The following MLIP variants were observed in gnomAD, a reference collection of about 807,000 sequenced individuals.
MLIP encodes the protein muscular LMNA-interacting protein.
In MLIP, 79 loss-of-function variants were observed where a neutral mutation model predicts 84.8. The observed-to-expected ratio is 0.93, with a 90% confidence interval of 0.78 to 1.12. MLIP has a LOEUF of 1.12. Among genes scored for constraint, MLIP ranks in the 50% most tolerant of loss-of-function variants. The probability of loss-of-function intolerance (pLI) is 0.00; values close to 1 mark genes in which losing one functional copy is unlikely to be tolerated. For missense variants in MLIP, 1,257 were observed against 1,160.6 expected (o/e 1.08, Z -1.21); for synonymous variants, 504 against 463.0 (o/e 1.09, Z -1.14).
intron 3 of MLIP, among the ~76,000 whole-genome samples, chr6:54,127,382 G>C (rs1380748055): frequency 1.3e-5 from 2 of 151,934 alleles, no homozygotes; most frequent in Non-Finnish European, 2.9e-5. Flanking sequence ...ATATAAAGGG[G>C]GTTCAATAAG....
intron 3 of MLIP, among the ~76,000 whole-genome samples, chr6:54,127,986 A>G (rs1771066656): frequency 6.6e-6 from 1 of 152,206 alleles, no homozygotes. Flanking sequence ...TGAAAGACCT[A>G]TGATAAAGTT....
At chr6:54,083,369 C>A in intron 1 of MLIP, 2 of 1,043,188 alleles carry the variant, frequency 1.9e-6, no homozygotes, top group Non-Finnish European at 2.7e-6. Flanking sequence ...ATTGAAATAA[C>A]AGATGCATTG....
chr6:54,150,172 A>C (rs924830397), intron 5 of MLIP, among the ~76,000 whole-genome samples: 1 of 152,170 alleles, frequency 6.6e-6, no homozygotes, highest in African/African-American at 2.4e-5. Context: ...TTAGTGGAAC[A>C]AGTAGTGTAT....
intron 10 of MLIP, among the ~76,000 whole-genome samples, chr6:54,200,883 A>G (rs969266045): frequency 6.6e-6 from 1 of 152,206 alleles, no homozygotes; most frequent in Admixed American, 6.5e-5. Context: ...GACTCAAAAT[A>G]TATCAGGTGC....
intron 12 of MLIP, among the ~76,000 whole-genome samples, chr6:54,245,103 A>C (rs1476098764): frequency 2.6e-5 from 4 of 152,154 alleles, no homozygotes; most frequent in Admixed American, 6.6e-5. Flanking sequence ...TGATGGAGAC[A>C]CTAAGGGATA....
At chr6:54,193,685 A>G (rs973444219) in intron 10 of MLIP, among the ~76,000 whole-genome samples, 7 of 152,072 alleles carry the variant, frequency 4.6e-5, no homozygotes, top group Admixed American at 3.9e-4. Context: ...AAATGTGAGT[A>G]CTTACCTAAG....
chr6:54,137,682 C>G lies in MLIP; in HGVS notation c.1613C>G (p.Ser538Cys), dbSNP rs944563658. 3 of 1,535,984 alleles carry G rather than the reference C, an allele frequency of 2.0e-6. No homozygotes were observed. The African/African-American group carries it at 4.1e-5, about 21-fold the overall frequency. Residue 538 changes from serine to cysteine, a missense_variant, in exon 4 of 14, where the codon TCC becomes TGC. By Grantham distance (112) the Ser-to-Cys change is moderately radical. Coordinates refer to ENST00000502396, the MANE Select transcript of MLIP (RefSeq NM_001281747.2). The part of the protein sequence containing the change: ...SPTLKSNTML[S>C]LLQTSTSSSV... ...ACTTTGAAGAGCAATACCATGCTCT[C>G]CCTGCTACAAACCAGTACATCCAGT...
intron 1 of MLIP, among the ~76,000 whole-genome samples, chr6:54,030,447 A>G (rs2150281256): frequency 6.6e-6 from 1 of 152,316 alleles, no homozygotes; most frequent in Admixed American, 6.5e-5. Flanking sequence ...TAAAGAATAT[A>G]GGTAAGAAGA....
intron 7 of MLIP, 33 bp downstream of exon 7, chr6:54,160,632 C>T (rs781554569): frequency 6.4e-7 from 1 of 1,568,880 alleles, no homozygotes; most frequent in Admixed American, 1.7e-5. Flanking sequence ...GCAATTCAAA[C>T]ATTTGCTTTG....
At chr6:54,167,626 T>C (rs78044232) in intron 8 of MLIP, among the ~76,000 whole-genome samples, 1 of 151,872 alleles carries the variant, frequency 6.6e-6, no homozygotes, top group Admixed American at 6.6e-5. Flanking sequence ...CTGAATCTGA[T>C]TGTATGCTAG....
At chr6:54,260,990 T>C (rs1285486347) in intron 13 of MLIP, among the ~76,000 whole-genome samples, 6 of 151,910 alleles carry the variant, frequency 3.9e-5, no homozygotes, top group Non-Finnish European at 8.8e-5. Context: ...ATTTGACCAT[T>C]GTGTCAGCTC....
Position 54,215,304 on chromosome 6 carries a change from AT to A in MLIP, c.2718+13072del. 4 of 1,412,504 alleles carry A rather than the reference AT, an allele frequency of 2.8e-6. No homozygotes were observed. In the South Asian group the frequency reaches 6.4e-5, roughly 23 times the overall value. The allele number at this position is 1,412,504 out of a possible 1,614,324, so 87.5% of individuals were successfully genotyped here. On this transcript the variant is annotated intron_variant, in intron 11 of 13. Coordinates refer to ENST00000502396, the MANE Select transcript of MLIP (RefSeq NM_001281747.2). ...GATGATAGAATTCAATGGCAAGAAC[AT>A]GGGCTCTTGTGATTTTTGAAAAAAT...
chr6:54,041,423 A>G (rs1764735935), intron 1 of MLIP, among the ~76,000 whole-genome samples: 1 of 152,088 alleles, frequency 6.6e-6, no homozygotes, highest in Admixed American at 6.6e-5. Context: ...TAAGCCTTCC[A>G]TTTCCAGGGT....
intron 4 of MLIP, among the ~76,000 whole-genome samples, chr6:54,146,011 T>C (rs968771957): frequency 6.6e-6 from 1 of 152,134 alleles, no homozygotes; most frequent in African/African-American, 2.4e-5. Flanking sequence ...TCTTCATTGC[T>C]TACAATGACA....
In MLIP at chr6:54,137,392, CAACT is replaced by C. The variant is rs1445348508; in HGVS notation, c.1324_1327del (p.Asn442ProfsTer29). On this transcript the variant is annotated frameshift_variant, in exon 4 of 14. Transcript: ENST00000502396. LOFTEE classifies it high-confidence loss of function. ...CTGCATCCTGTCCCACCTTCTCTCTCAACTCCCCGGCCTCTTCCACGCTCACACT... is the reference window on the plus strand; with the variant it reads ...CTGCATCCTGTCCCACCTTCTCTCTCCCCCGGCCTCTTCCACGCTCACACT... The C allele has an allele frequency of 6.5e-7, 1 of 1,536,162 alleles. No individual in the cohort carries two copies. Among genetic ancestry groups the C allele is most frequent in the Non-Finnish European group, 8.7e-7 (1 of 1,146,900 alleles).
intron 10 of MLIP, among the ~76,000 whole-genome samples, chr6:54,195,015 A>G (rs1778198610): frequency 6.6e-6 from 1 of 152,088 alleles, no homozygotes; most frequent in Admixed American, 6.6e-5. Context: ...CTGAATGAGT[A>G]AATCAGGTAA....
At chr6:54,177,063 A>G (rs1195330773) in intron 9 of MLIP, among the ~76,000 whole-genome samples, 1 of 152,232 alleles carries the variant, frequency 6.6e-6, no homozygotes, top group African/African-American at 2.4e-5. Context: ...AAGATGAATT[A>G]AAGACTTAAA....
At chr6:54,150,161 G>A (rs2150525715) in intron 5 of MLIP, among the ~76,000 whole-genome samples, 1 of 152,252 alleles carries the variant, frequency 6.6e-6, no homozygotes, top group South Asian at 2.1e-4. Flanking sequence ...AGTAGGAATT[G>A]TTAGTGGAAC....
In MLIP at chr6:54,264,661, A is replaced by G. The variant is rs955337885; in HGVS notation, c.2977-1289A>G. ...ACTAAATGCTGGTACTTTAAGAAAA[A>G]TCATGTTGGTGCTTTCAGAAAAAGC... On this transcript the variant is annotated intron_variant, in intron 13 of 13. Transcript: ENST00000502396. 4.6e-5 allele frequency among the ~76,000 whole-genome samples: 7 copies of G among 152,218 alleles called. 1 individual carries two copies. Among genetic ancestry groups the G allele is most frequent in the Admixed American group, 4.6e-4 (7 of 15,272 alleles).
Sources: allele counts gnomAD v4.1 joint callset (sites outside exome capture counted in the v4.1 genomes callset), GRCh38; gene constraint gnomAD v4.1.1; transcripts MANE v1.5; gene names NCBI Gene and HGNC (gene_info 2026-07-23, HGNC 2026-07-21).